Variants in GPC6 observed in about 807,000 individuals in gnomAD.
GPC6 encodes glypican-6.
In GPC6, 14 loss-of-function variants were observed where a neutral mutation model predicts 55.2. The observed-to-expected ratio is 0.25, with a 90% confidence interval of 0.17 to 0.40. GPC6 has a LOEUF of 0.40. GPC6 is among the 10% of genes least tolerant of loss of function. The pLI, the probability that GPC6 is intolerant of heterozygous loss-of-function variation, is 1.00. For missense variants in GPC6, 641 were observed against 708.5 expected (o/e 0.90, Z 1.08); for synonymous variants, 278 against 259.6 (o/e 1.07, Z -0.68).
intron 1 of GPC6, among the ~76,000 whole-genome samples, chr13:93,426,666 T>G (rs2139267905): frequency 6.6e-6 from 1 of 152,222 alleles, no homozygotes; most frequent in South Asian, 2.1e-4. Context: ...GTTCCAAGTC[T>G]TTGCTATTGT....
intron 1 of GPC6, among the ~76,000 whole-genome samples, chr13:93,527,036 A>T (rs1881673357): frequency 6.6e-6 from 1 of 152,002 alleles, no homozygotes; most frequent in African/African-American, 2.4e-5. Flanking sequence ...TCCTACTGAG[A>T]TATTTTAAGT....
intron 3 of GPC6, among the ~76,000 whole-genome samples, chr13:93,843,532 A>C (rs1424251364): frequency 6.6e-6 from 1 of 152,168 alleles, no homozygotes; most frequent in Non-Finnish European, 1.5e-5. Flanking sequence ...TCTATGTCAG[A>C]TTAAAAACTG....
Position 94,137,936 on chromosome 13 carries a change from G to A in GPC6, c.877+110042G>A, listed in dbSNP as rs542468098. Among the ~76,000 whole-genome samples, 24 of 152,270 alleles carry A rather than the reference G, an allele frequency of 1.6e-4. 1 individual carries two copies. Among genetic ancestry groups the A allele is most frequent in the African/African-American group, 5.3e-4 (22 of 41,562 alleles). On this transcript the variant is annotated intron_variant, in intron 4 of 8. Transcript: ENST00000377047. ...TAATAAGTTTCTAGGTGATAATGAT[G>A]CAGTTGGTCCCTGGACAACATTTTG...
intron 6 of GPC6, among the ~76,000 whole-genome samples, chr13:94,336,457 T>C (rs1243542073): frequency 6.6e-6 from 1 of 152,210 alleles, no homozygotes; most frequent in Non-Finnish European, 1.5e-5. Context: ...GTAGTCTTTC[T>C]TATGAGCCTG....
At chr13:94,274,097 T>C (rs565969502) in intron 4 of GPC6, among the ~76,000 whole-genome samples, 1 of 152,362 alleles carries the variant, frequency 6.6e-6, no homozygotes, top group South Asian at 2.1e-4. Flanking sequence ...ATTATGTTTT[T>C]ATGAAATACA....
chr13:93,944,416 G>T (rs1566615824), intron 3 of GPC6, among the ~76,000 whole-genome samples: 1 of 152,042 alleles, frequency 6.6e-6, no homozygotes. Context: ...GTGTTAGCCA[G>T]GATGGTCTCG....
chr13:93,626,637 A>C (rs1315399463), intron 2 of GPC6, among the ~76,000 whole-genome samples: 1 of 152,064 alleles, frequency 6.6e-6, no homozygotes, highest in Non-Finnish European at 1.5e-5. Flanking sequence ...CCCCGTCTCT[A>C]CTAAAAATAC....
At chr13:93,987,618 T>C (rs1441698502) in intron 3 of GPC6, among the ~76,000 whole-genome samples, 1 of 152,194 alleles carries the variant, frequency 6.6e-6, no homozygotes, top group African/African-American at 2.4e-5. Flanking sequence ...GTCACTTTCC[T>C]ATGTGTGTCA....
At chr13:94,022,227 T>C (rs1239470093) in intron 3 of GPC6, among the ~76,000 whole-genome samples, 1 of 152,074 alleles carries the variant, frequency 6.6e-6, no homozygotes, top group Non-Finnish European at 1.5e-5. Context: ...CCTTGACTTA[T>C]ATATCCCCAT....
intron 4 of GPC6, among the ~76,000 whole-genome samples, chr13:94,047,928 A>T (rs537557631): frequency 1.3e-5 from 2 of 152,116 alleles, no homozygotes; most frequent in Non-Finnish European, 2.9e-5. Flanking sequence ...TAGTTAATGC[A>T]TTTCTGAAAT....
At chr13:93,877,880 C>T (rs1874690784) in intron 3 of GPC6, among the ~76,000 whole-genome samples, 1 of 151,920 alleles carries the variant, frequency 6.6e-6, no homozygotes, top group African/African-American at 2.4e-5. Flanking sequence ...TGTTGATACT[C>T]ATAAATGACT....
chr13:93,278,003 C>T (rs1240162031), intron 1 of GPC6, among the ~76,000 whole-genome samples: 2 of 152,102 alleles, frequency 1.3e-5, no homozygotes, highest in Non-Finnish European at 2.9e-5. Flanking sequence ...TCCCTCTTTA[C>T]TATAGTTCCT....
intron 4 of GPC6, among the ~76,000 whole-genome samples, chr13:94,131,349 T>C (rs533623310): frequency 6.6e-6 from 1 of 152,272 alleles, no homozygotes; most frequent in East Asian, 1.9e-4. Flanking sequence ...ATATTTTCAT[T>C]CTGTGCCTGT....
chr13:93,482,455 A>G (rs1198173736), intron 1 of GPC6, among the ~76,000 whole-genome samples: 1 of 152,156 alleles, frequency 6.6e-6, no homozygotes, highest in African/African-American at 2.4e-5. Flanking sequence ...TGTTTCTCCT[A>G]TATTTTACTA....
At chr13:93,964,193 G>A (rs1331957295) in intron 3 of GPC6, among the ~76,000 whole-genome samples, 1 of 152,212 alleles carries the variant, frequency 6.6e-6, no homozygotes, top group African/African-American at 2.4e-5. Context: ...AGGGTCCTAA[G>A]GAATTTCAGG....
intron 4 of GPC6, among the ~76,000 whole-genome samples, chr13:94,104,067 G>T (rs1407387569): frequency 6.6e-6 from 1 of 152,184 alleles, no homozygotes; most frequent in Non-Finnish European, 1.5e-5. Flanking sequence ...TGTACAAGGT[G>T]TAAGGAAGGG....
chr13:93,725,771 TAAAATACCA>T (rs1315045203), intron 2 of GPC6, among the ~76,000 whole-genome samples: 11 of 152,102 alleles, frequency 7.2e-5, no homozygotes, highest in African/African-American at 1.4e-4. Flanking sequence ...TAGCCATTTG[TAAAATACCA>T]AAAATACCAA....
intron 1 of GPC6, among the ~76,000 whole-genome samples, chr13:93,372,331 T>C (rs1300018201): frequency 6.6e-6 from 1 of 152,158 alleles, no homozygotes; most frequent in African/African-American, 2.4e-5. Context: ...GTCTTGGCTG[T>C]TACAAACCAG....
intron 1 of GPC6, among the ~76,000 whole-genome samples, chr13:93,521,891 T>G (rs1881434420): frequency 6.6e-6 from 1 of 151,964 alleles, no homozygotes; most frequent in African/African-American, 2.4e-5. Context: ...TATGCTAGGT[T>G]TTAGGTATAG....
Sources: gnomAD v4.1 joint callset for allele counts (sites outside exome capture counted in the v4.1 genomes callset) on GRCh38, gnomAD v4.1.1 for gene constraint, MANE v1.5 for transcripts, NCBI Gene and HGNC (gene_info 2026-07-23, HGNC 2026-07-21) for gene names.